The following TBC1D14 variants were observed in gnomAD, a reference collection of about 807,000 sequenced individuals.
TBC1D14 encodes TBC1 domain family, member 14.
A neutral mutation model predicts 79.0 loss-of-function variants in TBC1D14; 26 were observed. That is an observed-to-expected ratio of 0.33 (90% CI 0.24 to 0.46). The LOEUF (loss-of-function observed/expected upper bound fraction) is 0.46, where lower values mean the gene tolerates loss of function less well. Among genes scored for constraint, TBC1D14 ranks in the 20% least tolerant of loss-of-function variants. The pLI is 1.00. For missense variants in TBC1D14, 769 were observed against 887.6 expected, an observed-to-expected ratio of 0.87 and a Z score of 1.70; for synonymous variants, 394 against 349.9, an observed-to-expected ratio of 1.13 and a Z score of -1.40.
intron 1 of TBC1D14, among the ~76,000 whole-genome samples, chr4:6,917,534 G>T (rs1178959100): frequency 6.6e-6 from 1 of 152,068 alleles, no homozygotes; most frequent in African/African-American, 2.4e-5. Flanking sequence ...CTGAGGCCCC[G>T]ATGGCCTACC....
intron 11 of TBC1D14, 91 bp from the exon 12 acceptor site, chr4:7,014,357 T>G: frequency 1.3e-6 from 1 of 755,768 alleles, no homozygotes; most frequent in Non-Finnish European, 2.3e-6. Context: ...AAGGTAATTG[T>G]TAGAGTCTAA....
rs1196242728 is a variant in TBC1D14 at position 7,001,265 on chromosome 4, A to G, written c.1270+14A>G. ...ATATCACCCACGGTGAGTGGCCTGC[A>G]TGATCCTGGGGAGTCCACCTCCAGG... On this transcript the variant is annotated intron_variant, in intron 7 of 13. Coordinates refer to ENST00000409757, the MANE Select transcript of TBC1D14 (RefSeq NM_020773.3). The G allele has an allele frequency of 4.3e-6, 7 of 1,609,498 alleles. No individual in the cohort carries two copies. The highest frequency in any genetic ancestry group is 2.7e-5 in the African/African-American group (2 of 74,950).
chr4:7,005,057 G>A, intron 8 of TBC1D14, 133 bp downstream of exon 8: 1 of 847,800 alleles, frequency 1.2e-6, no homozygotes, highest in South Asian at 1.8e-5. Context: ...ACGAGAAAAG[G>A]GTTTTTTTTG....
chr4:7,006,040 T>C (rs1364038938), intron 8 of TBC1D14, among the ~76,000 whole-genome samples: 5 of 152,138 alleles, frequency 3.3e-5, no homozygotes, highest in Admixed American at 6.5e-5. Context: ...TGATTACTTG[T>C]TAGAGATACT....
intron 3 of TBC1D14, among the ~76,000 whole-genome samples, chr4:6,981,861 G>C (rs1212856982): frequency 6.6e-6 from 1 of 152,180 alleles, no homozygotes; most frequent in East Asian, 1.9e-4. Context: ...AAATGGAAGA[G>C]AACTTCCCCC....
chr4:6,945,941 G>C (rs1244801578), intron 2 of TBC1D14, among the ~76,000 whole-genome samples: 1 of 152,088 alleles, frequency 6.6e-6, no homozygotes, highest in African/African-American at 2.4e-5. Flanking sequence ...ATTTTCATTG[G>C]TTTGGGGTGA....
chr4:7,027,814 C>CT (rs567260634), intron 13 of TBC1D14, among the ~76,000 whole-genome samples: 69 of 146,822 alleles, frequency 4.7e-4, no homozygotes, highest in Non-Finnish European at 8.9e-4. Context: ...ATCACACACC[C>CT]TTAAATACAC....
intron 2 of TBC1D14, among the ~76,000 whole-genome samples, chr4:6,926,045 A>T (rs1425246454): frequency 6.6e-6 from 1 of 152,174 alleles, no homozygotes; most frequent in African/African-American, 2.4e-5. Flanking sequence ...TGTGCCCTTG[A>T]ACAAGTTCCT....
At chr4:6,979,670 A>G (rs1014886895) in intron 3 of TBC1D14, among the ~76,000 whole-genome samples, 7 of 152,170 alleles carry the variant, frequency 4.6e-5, no homozygotes, top group African/African-American at 1.7e-4. Context: ...TCTGCAAGAA[A>G]CTCACTTCAA....
At chr4:6,939,954 C>G (rs1203183049) in intron 2 of TBC1D14, among the ~76,000 whole-genome samples, 1 of 152,228 alleles carries the variant, frequency 6.6e-6, no homozygotes, top group East Asian at 1.9e-4. Context: ...GCGTCACGAC[C>G]TACACCAGGC....
chr4:6,978,488 G>A (rs1288433065), intron 3 of TBC1D14, among the ~76,000 whole-genome samples: 2 of 150,054 alleles, frequency 1.3e-5, no homozygotes, highest in Admixed American at 6.6e-5. Flanking sequence ...ACTCAGGGTT[G>A]AATGGATTAA....
chr4:6,923,984 C>T lies in TBC1D14; in HGVS notation c.595C>T (p.Gln199Ter), dbSNP rs1724073119. 1.2e-6 allele frequency: 2 copies of T among 1,614,138 alleles called. No homozygotes were observed. Among genetic ancestry groups the T allele is most frequent in the African/African-American group, 1.3e-5 (1 of 75,062 alleles). Reference protein sequence around the residue: ...IVTLENDDDPQFTNVTLSSIK... With the variant: ...IVTLENDDDP ...GACCCTGGAGAATGACGATGACCCACAGTTTACCAACGTCACCTTGAGCTC... is the reference window on the plus strand; with the variant it reads ...GACCCTGGAGAATGACGATGACCCATAGTTTACCAACGTCACCTTGAGCTC... Residue 199 changes from glutamine to a stop codon, truncating the protein, a stop_gained, in exon 2 of 14, where the codon CAG becomes TAG. Coordinates refer to ENST00000409757, the MANE Select transcript of TBC1D14 (RefSeq NM_020773.3). LOFTEE classifies it high-confidence loss of function.
chr4:7,016,916 T>C (rs1158031889), intron 12 of TBC1D14, among the ~76,000 whole-genome samples: 1 of 152,212 alleles, frequency 6.6e-6, no homozygotes, highest in East Asian at 1.9e-4. Flanking sequence ...CCAGCGTTTT[T>C]TGACTCGAGT....
intron 2 of TBC1D14, among the ~76,000 whole-genome samples, chr4:6,956,428 C>T (rs905734082): frequency 1.3e-5 from 2 of 152,208 alleles, no homozygotes; most frequent in African/African-American, 4.8e-5. Context: ...CTGAAGAACA[C>T]GGCGTAGACA....
chr4:6,989,556 C>G (rs774406886), intron 3 of TBC1D14, among the ~76,000 whole-genome samples: 1 of 152,100 alleles, frequency 6.6e-6, no homozygotes, highest in Non-Finnish European at 1.5e-5. Context: ...GTGTGTGGCT[C>G]GCCCCTCCTG....
chr4:7,009,913 G>T lies in TBC1D14; in HGVS notation c.1483G>T (p.Gly495Cys). The T allele has an allele frequency of 6.2e-7, 1 of 1,614,120 alleles. No homozygotes were observed. The highest frequency in any genetic ancestry group is 8.5e-7 in the Non-Finnish European group (1 of 1,180,028). Residue 495 changes from glycine (G) to cysteine (C), a missense_variant, in exon 10 of 14, where the codon GGC becomes TGC. Physicochemically the swap from Gly to Cys is radical, Grantham distance 159 (BLOSUM62 -3). This residue lies in a region of TBC1D14 where 367 missense variants were observed against 494.4 expected (regional missense o/e 0.74). Transcript: ENST00000409757. ...TCATGACATGTTGCACAGTATTTTG[G>T]GCGCTTATACTTGTTACCGGCCAGA... ...PYHDMLHSIL[G>C]AYTCYRPDVG...
At chr4:7,024,368 C>T (rs1042350714) in intron 12 of TBC1D14, among the ~76,000 whole-genome samples, 3 of 152,094 alleles carry the variant, frequency 2.0e-5, no homozygotes, top group Non-Finnish European at 2.9e-5. Context: ...TGTCCCCACC[C>T]AGCTGGGGAT....
chr4:6,969,086 A>C (rs956022406), intron 3 of TBC1D14, among the ~76,000 whole-genome samples: 1 of 152,196 alleles, frequency 6.6e-6, no homozygotes, highest in African/African-American at 2.4e-5. Context: ...GTTGTCTGCC[A>C]TTCTCTGCTG....
In TBC1D14 at chr4:6,924,215, G is replaced by A. The variant is rs1577464915; in HGVS notation, c.722+104G>A. The A allele has an allele frequency of 2.1e-6, 3 of 1,422,930 alleles. No homozygotes were observed. The South Asian group carries it at 4.3e-5, about 20-fold the overall frequency. 88.1% of individuals were successfully genotyped at this position (1,422,930 alleles called of 1,614,324 possible). The stretch of plus-strand genomic sequence containing the variant: ...GTGTGTTCTCTGTGGTGTTAGGCAG[G>A]CACTGTCTCACACAGATAATTGGGT... On this transcript the variant is annotated intron_variant, in intron 2 of 13. Transcript: ENST00000409757.
Sources: gnomAD v4.1 joint callset for allele counts (sites outside exome capture counted in the v4.1 genomes callset) on GRCh38, gnomAD v4.1.1 for gene constraint, gnomAD v4.1.1 regional missense constraint, MANE v1.5 for transcripts, NCBI Gene and HGNC (gene_info 2026-07-23, HGNC 2026-07-21) for gene names.